Variants in EPB41L4A observed in about 807,000 individuals in gnomAD.
EPB41L4A encodes band 4.1-like protein 4A.
Under a neutral mutation model 108.6 loss-of-function variants are expected in EPB41L4A, and 100 were observed. The observed-to-expected ratio is 0.92, with a 90% CI of 0.78 to 1.09. The LOEUF is 1.09. Ranked by LOEUF, EPB41L4A falls within the 50% of genes least tolerant of loss-of-function variation. The pLI is 0.00. For synonymous variants in EPB41L4A, 319 were observed against 289.0 expected (o/e 1.10, Z -1.05); for missense variants, 1,030 against 842.7 (o/e 1.22, Z -2.75).
At chr5:112,355,234 C>T (rs1580745886) in intron 1 of EPB41L4A, among the ~76,000 whole-genome samples, 1 of 152,070 alleles carries the variant, frequency 6.6e-6, no homozygotes, top group Non-Finnish European at 1.5e-5. Context: ...CACTAGAAAC[C>T]GAAAGCTATT....
At chr5:112,398,930 GAA>G (rs60463095) in intron 1 of EPB41L4A, among the ~76,000 whole-genome samples, 12,884 of 108,232 alleles carry the variant, frequency 0.12, 1,840 homozygotes, top group African/African-American at 0.34. Context: ...GTCTATCCTA[GAA>G]AAAAAAAAAA....
intron 4 of EPB41L4A, among the ~76,000 whole-genome samples, chr5:112,272,262 G>A (rs1752310975): frequency 6.7e-6 from 1 of 150,148 alleles, no homozygotes; most frequent in South Asian, 2.1e-4. Context: ...AGCCTCCCAA[G>A]CAGGAGTAAC....
At chr5:112,329,999 A>G (rs1756451361) in intron 1 of EPB41L4A, among the ~76,000 whole-genome samples, 1 of 152,200 alleles carries the variant, frequency 6.6e-6, no homozygotes, top group Non-Finnish European at 1.5e-5. Flanking sequence ...AATTAATAAT[A>G]TCTGCCCAAC....
At chr5:112,365,351 C>G (rs752959029) in intron 1 of EPB41L4A, among the ~76,000 whole-genome samples, 1 of 152,098 alleles carries the variant, frequency 6.6e-6, no homozygotes, top group Non-Finnish European at 1.5e-5. Flanking sequence ...GCACACCTAG[C>G]TTTCATGAAT....
rs1246961094 is a variant in EPB41L4A at position 112,163,971 on chromosome 5, T to C, written c.*1019A>G. The C allele has an allele frequency of 2.6e-5, 4 of 152,112 alleles. No homozygotes were observed. Among genetic ancestry groups the C allele is most frequent in the Non-Finnish European group, 4.4e-5 (3 of 68,070 alleles). 9.4% of individuals were successfully genotyped at this position (152,112 alleles called of 1,614,324 possible). A position where few individuals can be genotyped will look rare whatever the true frequency, so the allele number is the denominator to read the frequency against. On this transcript the variant is annotated 3_prime_UTR_variant, in exon 23 of 23. Coordinates refer to ENST00000261486, the MANE Select transcript of EPB41L4A (RefSeq NM_022140.5). ...AGAACTGTACGTGGTAAGGGGGAGA[T>C]ATAAGATGTCCTGCATAAGTATTTT...
At chr5:112,165,744 G>A (rs1760205866) in intron 22 of EPB41L4A, among the ~76,000 whole-genome samples, 1 of 152,112 alleles carries the variant, frequency 6.6e-6, no homozygotes, top group Non-Finnish European at 1.5e-5. Context: ...TATCAGGCTG[G>A]CAAGCATATT....
chr5:112,402,041 G>A (rs1761788857), intron 1 of EPB41L4A, among the ~76,000 whole-genome samples: 1 of 152,226 alleles, frequency 6.6e-6, no homozygotes, highest in Non-Finnish European at 1.5e-5. Flanking sequence ...CAGTGATGTG[G>A]TTTGGATTTG....
chr5:112,195,935 C>T (rs1195182634), intron 15 of EPB41L4A, among the ~76,000 whole-genome samples: 1 of 152,170 alleles, frequency 6.6e-6, no homozygotes, highest in Non-Finnish European at 1.5e-5. Context: ...GCAAACCGTC[C>T]GAATTCCATT....
At chr5:112,367,858 C>A (rs560908545) in intron 1 of EPB41L4A, among the ~76,000 whole-genome samples, 1 of 150,914 alleles carries the variant, frequency 6.6e-6, no homozygotes, top group African/African-American at 2.5e-5. Flanking sequence ...CCCGGCTGAA[C>A]AAACTGAATT....
chr5:112,352,958 G>C (rs1025255316), intron 1 of EPB41L4A, among the ~76,000 whole-genome samples: 1 of 152,104 alleles, frequency 6.6e-6, no homozygotes, highest in Non-Finnish European at 1.5e-5. Context: ...CAATTCTTTG[G>C]ATTGGCTTTC....
At chr5:112,170,794 C>A in intron 19 of EPB41L4A, 151 bp downstream of exon 19, 2 of 679,878 alleles carry the variant, frequency 2.9e-6, no homozygotes, top group Non-Finnish European at 2.5e-6. Context: ...TAAGGCACCA[C>A]CACCATGTGC....
intron 1 of EPB41L4A, among the ~76,000 whole-genome samples, chr5:112,361,780 G>C (rs756523090): frequency 2.0e-5 from 3 of 151,910 alleles, no homozygotes; most frequent in East Asian, 1.9e-4. Context: ...ACATTTACTC[G>C]GGAGGCTGAG....
intron 13 of EPB41L4A, chr5:112,143,964 T>C: frequency 4.7e-6 from 2 of 423,148 alleles, no homozygotes; most frequent in South Asian, 3.4e-5. Context: ...AATTATGCTA[T>C]GGCCACCCTC....
chr5:112,231,791 C>CAAAAA lies in EPB41L4A; in HGVS notation c.1087+2838_1087+2842dup, dbSNP rs777370941. On this transcript the variant is annotated intron_variant, in intron 12 of 22. Coordinates refer to ENST00000261486, the MANE Select transcript of EPB41L4A (RefSeq NM_022140.5). ...TGGGCGACAGAGCTAGACTCCGTCT[C>CAAAAA]AAAAAAAAAAAAAAAAAAAAAAAAA... 8.2e-4 allele frequency among the ~76,000 whole-genome samples: 31 copies of CAAAAA among 37,606 alleles called. 2 individuals carry two copies. The highest frequency in any genetic ancestry group is 1.1e-3 in the Non-Finnish European group (25 of 22,370). 24.7% of individuals were successfully genotyped at this position (37,606 alleles called of 152,430 possible). A position where few individuals can be genotyped will look rare whatever the true frequency, so the allele number is the denominator to read the frequency against.
chr5:112,345,540 A>AT (rs1200804405), intron 1 of EPB41L4A, among the ~76,000 whole-genome samples: 1 of 152,136 alleles, frequency 6.6e-6, no homozygotes, highest in Non-Finnish European at 1.5e-5. Flanking sequence ...GGGTACTGAG[A>AT]TTGTAGAATA....
At chr5:112,339,846 A>G (rs1197208273) in intron 1 of EPB41L4A, among the ~76,000 whole-genome samples, 1 of 152,116 alleles carries the variant, frequency 6.6e-6, no homozygotes, top group East Asian at 1.9e-4. Flanking sequence ...AAGCTTATAA[A>G]TTTCAAATGC....
rs1029205780 is a variant in EPB41L4A at position 112,314,571 on chromosome 5, C to T, written c.100-7081G>A. ...AATTAGCCAAGCATGATGGCAGGCG[C>T]CTGTGGTCCCAGCTACTACAAGGTC... On this transcript the variant is annotated intron_variant, in intron 1 of 22. Transcript: ENST00000261486. Among the ~76,000 whole-genome samples the T allele has an allele frequency of 6.2e-5, 9 of 144,994 alleles. No individual in the cohort carries two copies. In the Admixed American group the frequency reaches 6.3e-4, roughly 10 times the overall value.
chr5:112,233,816 T>C (rs1051776204), intron 12 of EPB41L4A, among the ~76,000 whole-genome samples: 1 of 152,148 alleles, frequency 6.6e-6, no homozygotes, highest in Non-Finnish European at 1.5e-5. Context: ...TTTAGCATTT[T>C]GTCTTGTGTG....
At chr5:112,329,675 C>G (rs372959460) in intron 1 of EPB41L4A, among the ~76,000 whole-genome samples, 2 of 152,192 alleles carry the variant, frequency 1.3e-5, no homozygotes, top group African/African-American at 4.8e-5. Flanking sequence ...TCAGTGGCTC[C>G]ACAATACAAC....
Sources: allele counts gnomAD v4.1 joint callset (sites outside exome capture counted in the v4.1 genomes callset), GRCh38; gene constraint gnomAD v4.1.1; transcripts MANE v1.5; gene names NCBI Gene and HGNC (gene_info 2026-07-23, HGNC 2026-07-21).